The following CSE1L variants were observed in gnomAD, a reference collection of about 807,000 sequenced individuals.
CSE1L encodes the protein exportin-2.
CSE1L carries 24 observed loss-of-function variants against 120.4 expected under a neutral mutation model. The ratio of observed to expected loss-of-function variants is 0.20; its 90% confidence interval spans 0.14 to 0.28. The LOEUF is 0.28. Ranked by LOEUF, CSE1L falls within the 10% of genes least tolerant of loss-of-function variation. The probability of loss-of-function intolerance (pLI) is 1.00; values close to 1 mark genes in which losing one functional copy is unlikely to be tolerated. For synonymous variants in CSE1L, 402 were observed against 398.3 expected, an observed-to-expected ratio of 1.01 and a Z score of -0.11; for missense variants, 830 against 1,145.2, an observed-to-expected ratio of 0.72 and a Z score of 3.97.
In CSE1L at chr20:49,070,387, T is replaced by G; in HGVS notation, c.768+90T>G. Reference sequence around the variant, plus strand: ...TGGAAACCTATTTACTCTTGCATTGTTAAAAGATAAAATTTCAATACTGTA... The same window carrying G: ...TGGAAACCTATTTACTCTTGCATTGGTAAAAGATAAAATTTCAATACTGTA... On this transcript the variant is annotated intron_variant, in intron 8 of 24. Coordinates refer to ENST00000262982, the MANE Select transcript of CSE1L (RefSeq NM_001316.4). 3 of 657,172 alleles carry G rather than the reference T, an allele frequency of 4.6e-6. No individual in the cohort carries two copies. In the South Asian group the frequency reaches 5.2e-5, roughly 11 times the overall value. 40.7% of individuals were successfully genotyped at this position (657,172 alleles called of 1,614,324 possible).
rs1329108126 is a variant in CSE1L, at chr20:49,072,431, G to A, written c.914G>A (p.Gly305Asp). The change falls in exon 9 of 25, where the codon GGT (glycine) becomes GAT (aspartate). Residue 305 changes from glycine (G) to aspartate (D), a missense_variant. Coordinates refer to ENST00000262982, the MANE Select transcript of CSE1L (RefSeq NM_001316.4). ...TAIWNLLVTT[G>D]QEVKYDLLVS... ...ATCTGGAATTTACTAGTTACAACGG[G>A]TCAAGAGGTTAAATATGATTTGGTA... is the stretch of plus-strand genomic sequence containing the variant. The A allele has an allele frequency of 2.5e-6, 4 of 1,614,036 alleles. No individual in the cohort carries two copies. In the African/African-American group the frequency reaches 4.0e-5, roughly 16 times the overall value.
intron 12 of CSE1L, among the ~76,000 whole-genome samples, chr20:49,076,239 G>T (rs780489809): frequency 6.6e-6 from 1 of 152,186 alleles, no homozygotes; most frequent in Non-Finnish European, 1.5e-5. Context: ...CCAGGCTGGA[G>T]TGCAATGGCA....
intron 1 of CSE1L, among the ~76,000 whole-genome samples, chr20:49,057,857 C>G (rs943668245): frequency 1.2e-4 from 19 of 152,188 alleles, no homozygotes; most frequent in African/African-American, 4.1e-4. Flanking sequence ...GTCTCAAATT[C>G]TTGACCTCAG....
At position 49,075,664 on chromosome 20, in the gene CSE1L, G is replaced by A. The variant is rs76847867; in HGVS notation, c.1335+144G>A. Reference sequence around the variant, plus strand: ...AAGATTTATATAATCTCTGAAGATGGCTTTATGTTGATGTATTGAGCACTT... The same window carrying A: ...AAGATTTATATAATCTCTGAAGATGACTTTATGTTGATGTATTGAGCACTT... On this transcript the variant is annotated intron_variant, in intron 12 of 24. Transcript: ENST00000262982. The A allele has an allele frequency of 3.6e-3, 2,598 of 720,312 alleles. 42 individuals are homozygous for A. The African/African-American group carries it at 0.04, about 11-fold the overall frequency. 44.6% of individuals were successfully genotyped at this position (720,312 alleles called of 1,614,324 possible).
intron 2 of CSE1L, among the ~76,000 whole-genome samples, chr20:49,061,424 A>T (rs765483900): frequency 1.3e-5 from 2 of 151,638 alleles, no homozygotes; most frequent in Non-Finnish European, 2.9e-5. Context: ...CACCCGCCTC[A>T]GCCTCCCAAA....
chr20:49,085,449 T>C lies in CSE1L; in HGVS notation c.1723+63T>C, dbSNP rs1037183299. 6.0e-6 allele frequency: 7 copies of C among 1,163,482 alleles called. No homozygotes were observed. The African/African-American group carries it at 9.1e-5, about 15-fold the overall frequency. The allele number at this position is 1,163,482 out of a possible 1,614,324, so 72.1% of individuals were successfully genotyped here. On this transcript the variant is annotated intron_variant, in intron 16 of 24. Transcript: ENST00000262982. ...AATCTCAGATTGTAAGGGTGAGCAC[T>C]CTGAGTTATACTTCAGGTTATACAG...
rs1336079857 is a variant in CSE1L at position 49,084,061 on chromosome 20, C to G, written c.1518C>G (p.Leu506=). 4.3e-6 allele frequency: 7 copies of G among 1,613,906 alleles called. No homozygotes were observed. The highest frequency in any genetic ancestry group is 5.9e-6 in the Non-Finnish European group (7 of 1,179,850). Residue 506 remains leucine (L), a synonymous_variant, in exon 15 of 25, where the codon CTC becomes CTG. Coordinates refer to ENST00000262982, the MANE Select transcript of CSE1L (RefSeq NM_001316.4). ...PKEHLLVSIP[L]LINHLQAESI... ...AACATCTTTTAGTCTCGATTCCTCT[C>G]TTGATTAATCATCTTCAAGCTGAAA...
chr20:49,069,389 C>T (rs986845181), intron 7 of CSE1L, among the ~76,000 whole-genome samples: 1 of 152,172 alleles, frequency 6.6e-6, no homozygotes, highest in Non-Finnish European at 1.5e-5. Flanking sequence ...TGTTCTTAAT[C>T]ATTAATTCAA....
At position 49,096,916 on chromosome 20, in the gene CSE1L, A is replaced by G. The variant is rs2092145762; in HGVS notation, c.*478A>G. 1 of 154,424 alleles carries G rather than the reference A, an allele frequency of 6.5e-6. No homozygotes were observed. The allele number at this position is 154,424 out of a possible 1,614,324, so 9.6% of individuals were successfully genotyped here. On this transcript the variant is annotated 3_prime_UTR_variant, in exon 25 of 25. Coordinates refer to ENST00000262982, the MANE Select transcript of CSE1L (RefSeq NM_001316.4). ...GCACATTTCATAGTTTCAAATCTGT[A>G]ATCAGCAATAAAAATCCTAAAATAT...
chr20:49,061,806 A>T (rs192066451), intron 2 of CSE1L, among the ~76,000 whole-genome samples: 86 of 149,048 alleles, frequency 5.8e-4, no homozygotes, highest in African/African-American at 2.1e-3. Flanking sequence ...CCCGGCAATT[A>T]TTTTTTTTTT....
chr20:49,065,312 AATTT>A (rs377612730), intron 3 of CSE1L, among the ~76,000 whole-genome samples: 7,433 of 79,192 alleles, frequency 0.094, 557 homozygotes, highest in Non-Finnish European at 0.12. Context: ...ATGAAAAAAA[AATTT>A]TTTTTTTTTT....
At chr20:49,070,495 A>G (rs1462974043) in intron 8 of CSE1L, among the ~76,000 whole-genome samples, 198 bp downstream of exon 8, 2 of 152,256 alleles carry the variant, frequency 1.3e-5, no homozygotes, top group African/African-American at 2.4e-5. Flanking sequence ...GGCTTAAGCC[A>G]TAGTGTACAT....
chr20:49,093,948 C>G (rs2092121234), intron 22 of CSE1L, among the ~76,000 whole-genome samples, 192 bp from the exon 23 acceptor site: 1 of 151,714 alleles, frequency 6.6e-6, no homozygotes, highest in African/African-American at 2.4e-5. Context: ...AAGATTATGG[C>G]ATTTGGCTAC....
chr20:49,077,491 T>A (rs965642842), intron 13 of CSE1L, among the ~76,000 whole-genome samples: 23 of 152,282 alleles, frequency 1.5e-4, no homozygotes, highest in Admixed American at 1.1e-3. Context: ...AAATCTCAAA[T>A]GGTTTCCCCA....
chr20:49,060,105 T>C (rs373984754), intron 2 of CSE1L, among the ~76,000 whole-genome samples: 11 of 149,960 alleles, frequency 7.3e-5, no homozygotes, highest in African/African-American at 1.7e-4. Flanking sequence ...GCTTCACTTA[T>C]ACCCAAGAGG....
intron 16 of CSE1L, among the ~76,000 whole-genome samples, chr20:49,086,899 C>T (rs544751508): frequency 2.0e-5 from 3 of 152,078 alleles, no homozygotes; most frequent in African/African-American, 4.8e-5. Flanking sequence ...ATGACCTAAC[C>T]GAACGTTAGG....
intron 2 of CSE1L, among the ~76,000 whole-genome samples, chr20:49,062,562 G>A (rs2091860617): frequency 2.0e-5 from 3 of 152,012 alleles, no homozygotes; most frequent in Admixed American, 2.0e-4. Context: ...AGTTCGACAA[G>A]AAAGCTTAGG....
rs1416484455 is a variant in CSE1L at position 49,074,833 on chromosome 20, G to A, written c.1115G>A (p.Arg372Lys). The A allele has an allele frequency of 4.3e-6, 7 of 1,612,894 alleles. No homozygotes were observed. The highest frequency in any genetic ancestry group is 1.3e-5 in the African/African-American group (1 of 75,012). The change falls in exon 11 of 25, where the codon AGA (arginine) becomes AAA (lysine). Residue 372 changes from arginine to lysine, a missense_variant. By Grantham distance (26) the Arg-to-Lys change is conservative. Coordinates refer to ENST00000262982, the MANE Select transcript of CSE1L (RefSeq NM_001316.4). Reference protein sequence around the residue: ...FEDNSEEYIRRDLEGSDIDTR... With the variant: ...FEDNSEEYIRKDLEGSDIDTR... ...GATAATTCTGAGGAGTACATAAGGA[G>A]AGATTTGGAAGGATCTGGTGTGTAT...
intron 8 of CSE1L, among the ~76,000 whole-genome samples, chr20:49,071,670 C>T (rs571233251): frequency 6.6e-6 from 1 of 152,120 alleles, no homozygotes; most frequent in South Asian, 2.1e-4. Flanking sequence ...ATTTTGGGGG[C>T]TTGCTGTGTT....
Sources: gnomAD v4.1 joint callset for allele counts (sites outside exome capture counted in the v4.1 genomes callset) on GRCh38, gnomAD v4.1.1 for gene constraint, MANE v1.5 for transcripts, NCBI Gene and HGNC (gene_info 2026-07-23, HGNC 2026-07-21) for gene names.